The following SLC9A3 variants were observed in gnomAD, a reference collection of about 807,000 sequenced individuals.
The protein encoded by SLC9A3 is solute carrier family 9 member A3.
Under a neutral mutation model 86.8 loss-of-function variants are expected in SLC9A3, and 37 were observed. That is an observed-to-expected ratio of 0.43 (90% CI 0.33 to 0.56). The LOEUF (loss-of-function observed/expected upper bound fraction) is 0.56. SLC9A3 is among the 20% of genes least tolerant of loss of function. SLC9A3 has a pLI of 0.06. For missense variants in SLC9A3, 1,011 were observed against 1,171.9 expected (o/e 0.86, Z 2.00); for synonymous variants, 581 against 528.3 (o/e 1.10, Z -1.37).
At chr5:494,840 C>T (rs571114262) in intron 1 of SLC9A3, among the ~76,000 whole-genome samples, 3 of 152,192 alleles carry the variant, frequency 2.0e-5, no homozygotes, top group Admixed American at 6.5e-5. Flanking sequence ...CAGCCGCTGG[C>T]AAGACCCACC....
intron 1 of SLC9A3, among the ~76,000 whole-genome samples, chr5:493,778 C>T (rs1739901809): frequency 6.6e-6 from 1 of 152,130 alleles, no homozygotes; most frequent in Non-Finnish European, 1.5e-5. Context: ...CTGTGGGCCC[C>T]GTCCCCACCA....
At position 473,319 on chromosome 5, in the gene SLC9A3, G is replaced by A; in HGVS notation, c.*60C>T. The A allele has an allele frequency of 1.4e-6, 2 of 1,391,768 alleles. No homozygotes were observed. Among genetic ancestry groups the A allele is most frequent in the Non-Finnish European group, 1.9e-6 (2 of 1,068,660 alleles). 86.2% of individuals were successfully genotyped at this position (1,391,768 alleles called of 1,614,324 possible). On this transcript the variant is annotated 3_prime_UTR_variant, in exon 17 of 17. Coordinates refer to ENST00000264938, the MANE Select transcript of SLC9A3 (RefSeq NM_004174.4). ...GGGTTTCTCTGGGACAGCGGCGGCG[G>A]CGGTGGGCGGACCGTGGCGCGGGGA...
intron 9 of SLC9A3, 63 bp downstream of exon 9, chr5:481,502 G>A (rs545947379): frequency 5.0e-5 from 68 of 1,364,358 alleles, no homozygotes; most frequent in East Asian, 2.5e-4. Context: ...TGGTTCTTCC[G>A]AGTGGAGGAT....
intron 1 of SLC9A3, among the ~76,000 whole-genome samples, chr5:514,454 C>T (rs1733666002): frequency 1.3e-5 from 2 of 152,342 alleles, no homozygotes; most frequent in East Asian, 1.9e-4. Context: ...GCCCACCCTG[C>T]CCCCCGAGGC....
chr5:492,370 AGGTAGGG>A (rs1739808851), intron 1 of SLC9A3, among the ~76,000 whole-genome samples: 1 of 29,744 alleles, frequency 3.4e-5, no homozygotes, highest in Non-Finnish European at 6.0e-5. Context: ...GAGGGGAGGG[AGGTAGGG>A]GGGAACCCAC....
Position 472,742 on chromosome 5 carries a change from T to C in SLC9A3, c.*637A>G, listed in dbSNP as rs911330717. On this transcript the variant is annotated 3_prime_UTR_variant, in exon 17 of 17. Coordinates refer to ENST00000264938, the MANE Select transcript of SLC9A3 (RefSeq NM_004174.4). ...CTCGGCCCAGGCCGCTTGCGGGCGC[T>C]GGGCCTGCAGCCGCTGCAGGTCGGG... The C allele has an allele frequency of 1.2e-4, 69 of 580,378 alleles. No homozygotes were observed. In the African/African-American group the frequency reaches 1.3e-3, roughly 11 times the overall value. 36.0% of individuals were successfully genotyped at this position (580,378 alleles called of 1,614,324 possible). A position where few individuals can be genotyped will look rare whatever the true frequency, so the allele number is the denominator to read the frequency against.
At chr5:475,995 C>G (rs761149487) in intron 14 of SLC9A3, 25 bp downstream of exon 14, 8 of 1,582,296 alleles carry the variant, frequency 5.1e-6, no homozygotes, top group Admixed American at 1.8e-5. Flanking sequence ...CCAGTCCCAG[C>G]GTTCCTGCAG....
In SLC9A3 at chr5:485,018, C is replaced by T. The variant is rs192293857; in HGVS notation, c.754+135G>A. ...GTGTGTGAATCGCTCTGGACGGGGA[C>T]GTGACGTGGACAGAAGGGCCCAGTG... is the stretch of plus-strand genomic sequence containing the variant. On this transcript the variant is annotated intron_variant, in intron 4 of 16. Coordinates refer to ENST00000264938, the MANE Select transcript of SLC9A3 (RefSeq NM_004174.4). 559 of 717,454 alleles carry T rather than the reference C, an allele frequency of 7.8e-4. 20 individuals are homozygous for T. Among genetic ancestry groups the T allele is most frequent in the East Asian group, 6.9e-3 (256 of 37,236 alleles). The allele number at this position is 717,454 out of a possible 1,614,324, so 44.4% of individuals were successfully genotyped here.
chr5:488,661 T>C (rs1401704274), intron 2 of SLC9A3, among the ~76,000 whole-genome samples, 185 bp from the exon 3 acceptor site: 2 of 152,242 alleles, frequency 1.3e-5, no homozygotes, highest in African/African-American at 4.8e-5. Context: ...GGAAGGCTGC[T>C]GTCTTCCGAG....
intron 1 of SLC9A3, among the ~76,000 whole-genome samples, chr5:522,954 G>A (rs1037217367): frequency 3.3e-5 from 5 of 151,928 alleles, no homozygotes; most frequent in African/African-American, 1.2e-4. Context: ...AGCATCCCAA[G>A]CCCCCAGTGG....
chr5:496,143 C>T lies in SLC9A3; in HGVS notation c.212-4072G>A, dbSNP rs1035983657. On this transcript the variant is annotated intron_variant, in intron 1 of 16. Transcript: ENST00000264938. The surrounding 1 kb of genome is among the most constrained non-coding windows in gnomAD (Gnocchi z 4.7). ...AATATACATATATACGCACAAACGC[C>T]GCATAGGTGGGAGGGCGGCGGTTTG... Among the ~76,000 whole-genome samples the T allele has an allele frequency of 6.6e-6, 1 of 152,246 alleles. No homozygotes were observed. Among genetic ancestry groups the T allele is most frequent in the Non-Finnish European group, 1.5e-5 (1 of 68,042 alleles).
rs1339115788 is a variant in SLC9A3 at position 475,647 on chromosome 5, T to G, written c.2165A>C (p.Glu722Ala). ...CATCTCCTCATCATAGTTGGGGGGC[T>G]CCTCGGTGTCTGAAAGTTCCAAGTC... ...EKDLELSDTE[E>A]PPNYDEEMSG... is the part of the protein sequence containing the mutation. The change falls in exon 15 of 17, where the codon GAG (glutamate) becomes GCG (alanine). Residue 722 changes from glutamate to alanine, a missense_variant. Physicochemically the swap from Glu to Ala is moderately radical, Grantham distance 107. Around this residue, in one of 3 missense-constraint regions of SLC9A3, gnomAD observed 397 missense variants for 346.3 expected, o/e 1.15. Transcript: ENST00000264938. 1 of 1,551,192 alleles carries G rather than the reference T, an allele frequency of 6.4e-7. No individual in the cohort carries two copies.
chr5:519,227 C>T (rs1007311222), intron 1 of SLC9A3, among the ~76,000 whole-genome samples: 7 of 152,200 alleles, frequency 4.6e-5, no homozygotes, highest in South Asian at 2.1e-4. Flanking sequence ...CTCACTGGTC[C>T]TCTCCTGGGA....
intron 1 of SLC9A3, among the ~76,000 whole-genome samples, chr5:513,544 C>T (rs985237043): frequency 3.9e-5 from 6 of 152,082 alleles, no homozygotes; most frequent in African/African-American, 7.2e-5. Flanking sequence ...CTGGGGTGTG[C>T]AGGGCAGAGA....
Position 476,638 on chromosome 5 carries a change from G to T in SLC9A3, c.1795C>A (p.Gln599Lys), listed in dbSNP as rs1341724685. Residue 599 changes from glutamine (Q) to lysine (K), a missense_variant, in exon 12 of 17, where the codon CAG becomes AAG. Gln to Lys is a moderately conservative substitution (Grantham distance 53). Transcript: ENST00000264938. ...ENVSAVCLDM[Q>K]SLEQRRRSIR... ...CTCCGCCGTCGCTGCTCCAGAGACT[G>T]CATGTCCAGGCAGACAGCGCTGACA... is the stretch of plus-strand genomic sequence containing the variant. 2 of 1,607,864 alleles carry T rather than the reference G, an allele frequency of 1.2e-6. No homozygotes were observed. Among genetic ancestry groups the T allele is most frequent in the Admixed American group, 3.3e-5 (2 of 60,026 alleles).
rs1483295875 is a variant in SLC9A3 at position 497,565 on chromosome 5, C to A, written c.212-5494G>T. Among the ~76,000 whole-genome samples the A allele has an allele frequency of 6.6e-6, 1 of 152,204 alleles. No individual in the cohort carries two copies. Among genetic ancestry groups the A allele is most frequent in the African/African-American group, 2.4e-5 (1 of 41,448 alleles). On this transcript the variant is annotated intron_variant, in intron 1 of 16. Transcript: ENST00000264938. The surrounding 1 kb of genome is among the most constrained non-coding windows in gnomAD (Gnocchi z 5.4). The stretch of plus-strand genomic sequence containing the variant: ...GTTGTCAGAATAAATTGTTTCCAAC[C>A]AGGAAACAAGGATATCTCTTAACAC...
At chr5:488,206 T>G in intron 3 of SLC9A3, 110 bp downstream of exon 3, 4 of 1,253,046 alleles carry the variant, frequency 3.2e-6, no homozygotes, top group East Asian at 2.4e-5. Context: ...GGGAGGGGAG[T>G]TTGAGGACAG....
chr5:477,031 G>C (rs1738787488), intron 11 of SLC9A3: 1 of 507,310 alleles, frequency 2.0e-6, no homozygotes, highest in Non-Finnish European at 3.6e-6. Flanking sequence ...CCCAGGGCCG[G>C]AGGAGCAGTA....
At position 474,971 on chromosome 5, in the gene SLC9A3, G is replaced by T. The variant is rs766212993; in HGVS notation, c.2413C>A (p.Arg805Ser). Residue 805 changes from arginine (R) to serine (S), a missense_variant, in exon 16 of 17, where the codon CGC becomes AGC. Transcript: ENST00000264938. ...GAGTCCACGGACTTGCTGCTGAGGC[G>T]GAAGGGCATCAGGCGGCAGAAGGTG... is the stretch of plus-strand genomic sequence containing the variant. ...PGTFCRLMPF[R>S]LSSKSVDSFL... 6.2e-7 allele frequency: 1 copy of T among 1,611,180 alleles called. No individual in the cohort carries two copies. Among genetic ancestry groups the T allele is most frequent in the Non-Finnish European group, 8.5e-7 (1 of 1,179,172 alleles).
Sources: allele counts gnomAD v4.1 joint callset (sites outside exome capture counted in the v4.1 genomes callset), GRCh38; gene constraint gnomAD v4.1.1; regional missense constraint gnomAD v4.1.1; non-coding constraint Gnocchi (gnomAD v3.1); transcripts MANE v1.5; gene names NCBI Gene and HGNC (gene_info 2026-07-23, HGNC 2026-07-21).